The following RFX7 variants were observed in gnomAD, a reference collection of about 807,000 sequenced individuals.
The protein encoded by RFX7 is regulatory factor X7.
In RFX7, 26 loss-of-function variants were observed where a neutral mutation model predicts 111.8. The observed-to-expected ratio is 0.23, with a 90% CI of 0.17 to 0.32. The LOEUF (loss-of-function observed/expected upper bound fraction) is 0.32, where lower values mean the gene tolerates loss of function less well. RFX7 is among the 10% of genes least tolerant of loss of function. The pLI, the probability that RFX7 is intolerant of heterozygous loss-of-function variation, is 1.00. For missense variants in RFX7, 1,573 were observed against 1,772.9 expected, an observed-to-expected ratio of 0.89 and a Z score of 2.02; for synonymous variants, 624 against 624.4, an observed-to-expected ratio of 1.00 and a Z score of 0.01.
chr15:56,125,229 G>C (rs2140978409), intron 5 of RFX7, among the ~76,000 whole-genome samples: 1 of 152,302 alleles, frequency 6.6e-6, no homozygotes, highest in East Asian at 1.9e-4. Context: ...TTTTATGCCA[G>C]AACCATGCTG....
chr15:56,176,471 TTAATA>T (rs2042903859), intron 3 of RFX7, among the ~76,000 whole-genome samples: 1 of 152,114 alleles, frequency 6.6e-6, no homozygotes, highest in South Asian at 2.1e-4. Context: ...CAGGCAGACA[TTAATA>T]TAATTAATGG....
chr15:56,141,687 T>C (rs1210098327), intron 5 of RFX7, among the ~76,000 whole-genome samples: 1 of 50,096 alleles, frequency 2.0e-5, no homozygotes, highest in African/African-American at 1.5e-4. Context: ...GCATATATGC[T>C]GAATAAGGGC....
At chr15:56,121,142 A>C (rs2042073569) in intron 5 of RFX7, among the ~76,000 whole-genome samples, 1 of 151,918 alleles carries the variant, frequency 6.6e-6, no homozygotes, top group Non-Finnish European at 1.5e-5. Flanking sequence ...AGACTGAAGA[A>C]CTCTGTTTAG....
intron 2 of RFX7, among the ~76,000 whole-genome samples, chr15:56,240,971 G>A (rs1338535552): frequency 6.6e-6 from 1 of 151,942 alleles, no homozygotes; most frequent in Non-Finnish European, 1.5e-5. Flanking sequence ...TTCTTGTGGA[G>A]CAGGGGGTAT....
chr15:56,235,308 T>C (rs1047605488), intron 2 of RFX7, among the ~76,000 whole-genome samples: 1 of 152,016 alleles, frequency 6.6e-6, no homozygotes, highest in South Asian at 2.1e-4. Flanking sequence ...CCTGAGTAGC[T>C]GGGGCTACAG....
chr15:56,141,443 CCAA>C (rs2141021693), intron 5 of RFX7, among the ~76,000 whole-genome samples: 1 of 151,712 alleles, frequency 6.6e-6, no homozygotes. Flanking sequence ...TATAGATGAA[CCAA>C]CTGACAAAGA....
At chr15:56,115,383 C>T (rs1022472549) in intron 5 of RFX7, among the ~76,000 whole-genome samples, 1 of 152,068 alleles carries the variant, frequency 6.6e-6, no homozygotes, top group Non-Finnish European at 1.5e-5. Context: ...ATGAAATATC[C>T]ACAGTACAGA....
At chr15:56,103,424 C>T in intron 6 of RFX7, 130 bp downstream of exon 6, 1 of 596,364 alleles carries the variant, frequency 1.7e-6, no homozygotes, top group Non-Finnish European at 3.0e-6. Context: ...AATTATTCTA[C>T]TTAAGCTTTT....
At chr15:56,102,627 A>G (rs1261709412) in intron 6 of RFX7, among the ~76,000 whole-genome samples, 1 of 152,226 alleles carries the variant, frequency 6.6e-6, no homozygotes, top group Non-Finnish European at 1.5e-5. Flanking sequence ...GCTCTGGGAC[A>G]AAAACAACTC....
chr15:56,143,285 CTCATA>C (rs1190944800), intron 4 of RFX7, among the ~76,000 whole-genome samples: 2 of 151,782 alleles, frequency 1.3e-5, no homozygotes, highest in Non-Finnish European at 1.5e-5. Context: ...GCTCAGCATT[CTCATA>C]TAATATATAT....
intron 5 of RFX7, among the ~76,000 whole-genome samples, chr15:56,134,372 TG>T (rs1480742258): frequency 6.6e-6 from 1 of 152,134 alleles, no homozygotes; most frequent in Non-Finnish European, 1.5e-5. Context: ...GGAAATGCTA[TG>T]GGGGAACACT....
intron 2 of RFX7, among the ~76,000 whole-genome samples, chr15:56,196,876 C>G (rs1255378764): frequency 1.3e-5 from 2 of 152,098 alleles, no homozygotes; most frequent in Admixed American, 6.5e-5. Flanking sequence ...GTATGGAGAT[C>G]TTGTTATTCA....
At chr15:56,100,760 A>T (rs1227393369) in intron 8 of RFX7, among the ~76,000 whole-genome samples, 1 of 152,234 alleles carries the variant, frequency 6.6e-6, no homozygotes, top group Non-Finnish European at 1.5e-5. Context: ...GGAGGGAGTC[A>T]TTCTAACAAG....
chr15:56,151,077 T>C (rs1434231055), intron 3 of RFX7, among the ~76,000 whole-genome samples: 7 of 152,110 alleles, frequency 4.6e-5, no homozygotes, highest in Middle Eastern at 3.4e-3. Context: ...AGACCAAATC[T>C]ACATTTGATT....
intron 5 of RFX7, among the ~76,000 whole-genome samples, chr15:56,107,041 T>C (rs1471214854): frequency 6.6e-6 from 1 of 152,124 alleles, no homozygotes; most frequent in African/African-American, 2.4e-5. Context: ...TTCACACCCG[T>C]AATCCCATCA....
Position 56,089,576 on chromosome 15 carries a change from G to T in RFX7, c.*3769C>A, listed in dbSNP as rs376732719. ...TTCTTACTGGTTGACTCTATGCACT[G>T]GTTCTTATGTTTGCCTGCTCTGACA... On this transcript the variant is annotated 3_prime_UTR_variant, in exon 10 of 10. Coordinates refer to ENST00000559447, the MANE Select transcript of RFX7 (RefSeq NM_022841.7). 7 of 152,102 alleles carry T rather than the reference G, an allele frequency of 4.6e-5. No homozygotes were observed. The East Asian group carries it at 1.4e-3, about 29-fold the overall frequency. 9.4% of individuals were successfully genotyped at this position (152,102 alleles called of 1,614,324 possible). A position where few individuals can be genotyped will look rare whatever the true frequency, so the allele number is the denominator to read the frequency against.
chr15:56,165,388 C>A (rs2141096132), intron 3 of RFX7, among the ~76,000 whole-genome samples: 1 of 152,356 alleles, frequency 6.6e-6, no homozygotes, highest in East Asian at 1.9e-4. Context: ...ACACAATTAT[C>A]TAAATGATGG....
chr15:56,205,308 G>A (rs2043238813), intron 2 of RFX7, among the ~76,000 whole-genome samples: 1 of 152,182 alleles, frequency 6.6e-6, no homozygotes, highest in Admixed American at 6.5e-5. Flanking sequence ...CTTTCCCTGA[G>A]AACTAACAAG....
intron 5 of RFX7, among the ~76,000 whole-genome samples, chr15:56,110,741 G>A (rs1354893356): frequency 4.0e-4 from 1 of 2,500 alleles, no homozygotes; most frequent in African/African-American, 4.2e-4. Context: ...CCCCCCGCCC[G>A]GCCAGCCACC....
Sources: gnomAD v4.1 joint callset for allele counts (sites outside exome capture counted in the v4.1 genomes callset) on GRCh38, gnomAD v4.1.1 for gene constraint, MANE v1.5 for transcripts, NCBI Gene and HGNC (gene_info 2026-07-23, HGNC 2026-07-21) for gene names.